The following RORA variants were observed in gnomAD, a reference collection of about 807,000 sequenced individuals.
RORA encodes the protein nuclear receptor ROR-alpha.
RORA carries 7 observed loss-of-function variants against 69.5 expected under a neutral mutation model. That is an observed-to-expected ratio of 0.10 (90% CI 0.06 to 0.19). The LOEUF (loss-of-function observed/expected upper bound fraction) is 0.19. RORA is among the 10% of genes least tolerant of loss of function. The probability of loss-of-function intolerance (pLI) is 1.00; values close to 1 mark genes in which losing one functional copy is unlikely to be tolerated. For synonymous variants in RORA, 261 were observed against 240.8 expected (o/e 1.08, Z -0.78); for missense variants, 457 against 663.0 (o/e 0.69, Z 3.41).
intron 1 of RORA, among the ~76,000 whole-genome samples, chr15:60,885,048 T>C (rs1436780860): frequency 1.3e-5 from 2 of 152,234 alleles, no homozygotes; most frequent in East Asian, 3.8e-4. Flanking sequence ...GAAAACAGCG[T>C]ATATGACTGT....
At chr15:60,656,552 C>T (rs2070224995) in intron 2 of RORA, among the ~76,000 whole-genome samples, 1 of 151,960 alleles carries the variant, frequency 6.6e-6, no homozygotes, top group South Asian at 2.1e-4. Flanking sequence ...AGTAATCAAA[C>T]TTGTGAAATA....
intron 1 of RORA, among the ~76,000 whole-genome samples, chr15:60,837,865 T>C (rs1431797444): frequency 6.6e-6 from 1 of 152,168 alleles, no homozygotes; most frequent in Non-Finnish European, 1.5e-5. Flanking sequence ...CCGCTTTGCA[T>C]GCAGGCATTT....
At chr15:60,885,875 T>C (rs1221445411) in intron 1 of RORA, among the ~76,000 whole-genome samples, 1 of 152,210 alleles carries the variant, frequency 6.6e-6, no homozygotes, top group Non-Finnish European at 1.5e-5. Context: ...AGAAAGCAAA[T>C]GTGAAGCACG....
chr15:60,638,642 A>G (rs150501033), intron 2 of RORA, among the ~76,000 whole-genome samples: 1 of 152,308 alleles, frequency 6.6e-6, no homozygotes, highest in East Asian at 1.9e-4. Flanking sequence ...GATTTCACCC[A>G]AAATGAGGTT....
intron 1 of RORA, among the ~76,000 whole-genome samples, chr15:61,053,509 A>G (rs1243975342): frequency 6.6e-6 from 1 of 152,018 alleles, no homozygotes; most frequent in Non-Finnish European, 1.5e-5. Context: ...GGCTGCCATG[A>G]AGGCTCTGAT....
chr15:61,054,375 C>A (rs916191189), intron 1 of RORA, among the ~76,000 whole-genome samples: 2 of 151,588 alleles, frequency 1.3e-5, no homozygotes, highest in African/African-American at 4.8e-5. Context: ...TTAGTTAGCA[C>A]AGCTATACTC....
At chr15:61,186,447 C>T (rs1419641179) in intron 1 of RORA, among the ~76,000 whole-genome samples, 1 of 151,848 alleles carries the variant, frequency 6.6e-6, no homozygotes, top group Non-Finnish European at 1.5e-5. Flanking sequence ...TCGAGACCAG[C>T]CTGGCTAACA....
At chr15:61,165,310 G>A (rs990003932) in intron 1 of RORA, among the ~76,000 whole-genome samples, 13 of 152,188 alleles carry the variant, frequency 8.5e-5, no homozygotes, top group Non-Finnish European at 1.6e-4. Context: ...ACTTCTTGCA[G>A]GAATCATAGC....
At chr15:60,976,816 AGGAG>A (rs1306246644) in intron 1 of RORA, among the ~76,000 whole-genome samples, 8 of 152,164 alleles carry the variant, frequency 5.3e-5, no homozygotes, top group Non-Finnish European at 7.4e-5. Flanking sequence ...CTTTTGGCTT[AGGAG>A]GGAGGACATG....
At chr15:61,184,669 T>G (rs2079722093) in intron 1 of RORA, among the ~76,000 whole-genome samples, 1 of 151,806 alleles carries the variant, frequency 6.6e-6, no homozygotes, top group Admixed American at 6.6e-5. Context: ...ACAGTAAAGG[T>G]TTGCTGAATC....
chr15:61,060,779 C>T (rs1422159601), intron 1 of RORA, among the ~76,000 whole-genome samples: 1 of 152,030 alleles, frequency 6.6e-6, no homozygotes, highest in African/African-American at 2.4e-5. Flanking sequence ...TCCCTGTACC[C>T]CACTGGAAGA....
At chr15:61,095,999 T>C (rs1017952757) in intron 1 of RORA, among the ~76,000 whole-genome samples, 3 of 152,224 alleles carry the variant, frequency 2.0e-5, no homozygotes, top group Admixed American at 2.0e-4. Flanking sequence ...TTTGGAATTA[T>C]GAATCACAAG....
At chr15:60,585,187 T>C (rs2068298081) in intron 2 of RORA, among the ~76,000 whole-genome samples, 3 of 152,224 alleles carry the variant, frequency 2.0e-5, no homozygotes, top group African/African-American at 7.2e-5. Flanking sequence ...GGAAGATCTA[T>C]ATTCATTCCT....
rs887560235 is a variant in RORA, at chr15:60,935,039, T to C, written c.167-256353A>G. 2.6e-5 allele frequency among the ~76,000 whole-genome samples: 4 copies of C among 152,266 alleles called. No homozygotes were observed. In the East Asian group the frequency reaches 7.7e-4, roughly 29 times the overall value. On this transcript the variant is annotated intron_variant, in intron 1 of 10. Transcript: ENST00000335670. ...TAATTCTATGCAGTAGGTACTATTA[T>C]TATCCCCATTTTAGAAATAATGAAT...
At chr15:61,070,535 A>AT (rs1335443955) in intron 1 of RORA, among the ~76,000 whole-genome samples, 4 of 152,182 alleles carry the variant, frequency 2.6e-5, no homozygotes, top group South Asian at 2.1e-4. Flanking sequence ...CTTTGGACAG[A>AT]TTTTTTCCAC....
At chr15:60,876,598 G>A (rs936077674) in intron 1 of RORA, among the ~76,000 whole-genome samples, 1 of 151,644 alleles carries the variant, frequency 6.6e-6, no homozygotes, top group Non-Finnish European at 1.5e-5. Context: ...TGACACCATG[G>A]AGCACACTTG....
intron 1 of RORA, among the ~76,000 whole-genome samples, chr15:61,198,675 C>CT (rs2079867776): frequency 1.4e-5 from 2 of 139,514 alleles, no homozygotes; most frequent in Non-Finnish European, 3.1e-5. Flanking sequence ...TATATTCTCT[C>CT]AAAAAAAAAA....
intron 1 of RORA, among the ~76,000 whole-genome samples, chr15:61,005,955 G>GTTTGT (rs143947688): frequency 2.3e-4 from 35 of 151,560 alleles, no homozygotes; most frequent in South Asian, 4.2e-4. Context: ...TTTTTTGTTT[G>GTTTGT]TTTGTTTTGT....
intron 1 of RORA, among the ~76,000 whole-genome samples, chr15:61,040,805 T>C (rs1218507611): frequency 6.6e-6 from 1 of 152,208 alleles, no homozygotes; most frequent in African/African-American, 2.4e-5. Context: ...CTTCAAAAGA[T>C]CTATACTTTA....
Sources: allele counts gnomAD v4.1 joint callset (sites outside exome capture counted in the v4.1 genomes callset), GRCh38; gene constraint gnomAD v4.1.1; transcripts MANE v1.5; gene names NCBI Gene and HGNC (gene_info 2026-07-23, HGNC 2026-07-21).